Variants in TRPM3 observed in about 807,000 individuals in gnomAD.
The protein encoded by TRPM3 is transient receptor potential cation channel subfamily M member 3, also known as long transient receptor potential channel 3.
In TRPM3, 77 loss-of-function variants were observed where a neutral mutation model predicts 181.2. The observed-to-expected ratio is 0.42, with a 90% CI of 0.35 to 0.51. The LOEUF (loss-of-function observed/expected upper bound fraction) is 0.51. TRPM3 is among the 20% of genes least tolerant of loss of function. The probability of loss-of-function intolerance (pLI) is 0.01; values close to 1 mark genes in which losing one functional copy is unlikely to be tolerated. For synonymous variants in TRPM3, 745 were observed against 796.4 expected (o/e 0.94, Z 1.09); for missense variants, 1,759 against 2,196.7 (o/e 0.80, Z 3.98).
At chr9:71,183,537 CATA>C (rs902483200) in intron 1 of TRPM3, among the ~76,000 whole-genome samples, 76 of 152,236 alleles carry the variant, frequency 5.0e-4, no homozygotes, top group African/African-American at 1.8e-3. Flanking sequence ...AGTTGCACTG[CATA>C]ATATTTATTA....
intron 1 of TRPM3, among the ~76,000 whole-genome samples, chr9:71,402,922 C>T (rs544753304): frequency 3.3e-5 from 5 of 152,112 alleles, no homozygotes; most frequent in Non-Finnish European, 7.4e-5. Context: ...ACTCAAAAAA[C>T]ATTAATGAAC....
chr9:70,751,935 T>C (rs2076197053), intron 8 of TRPM3, among the ~76,000 whole-genome samples: 1 of 151,200 alleles, frequency 6.6e-6, no homozygotes, highest in South Asian at 2.1e-4. Flanking sequence ...TAAGGAGGAG[T>C]CTTCTGTTGA....
chr9:70,956,399 T>C (rs2097072839), intron 1 of TRPM3, among the ~76,000 whole-genome samples: 1 of 134,508 alleles, frequency 7.4e-6, no homozygotes, highest in Admixed American at 8.8e-5. Flanking sequence ...AAACAGGAAA[T>C]ATATGTAATC....
At chr9:71,200,007 T>C (rs919044455) in intron 1 of TRPM3, among the ~76,000 whole-genome samples, 14 of 152,234 alleles carry the variant, frequency 9.2e-5, no homozygotes, top group Non-Finnish European at 2.1e-4. Flanking sequence ...ATTGTGCACA[T>C]TTAGTGCTAT....
intron 1 of TRPM3, among the ~76,000 whole-genome samples, chr9:71,418,342 G>A (rs1311321177): frequency 6.6e-6 from 1 of 151,912 alleles, no homozygotes; most frequent in Non-Finnish European, 1.5e-5. Context: ...AACCAAGGCA[G>A]CTCTGGATTA....
At chr9:70,665,620 C>T (rs181684407) in intron 9 of TRPM3, among the ~76,000 whole-genome samples, 18 of 152,202 alleles carry the variant, frequency 1.2e-4, no homozygotes, top group Admixed American at 1.0e-3. Context: ...CTGTTTTATA[C>T]ACAATATGCA....
At chr9:71,025,997 T>C (rs577615247) in intron 1 of TRPM3, among the ~76,000 whole-genome samples, 2 of 152,324 alleles carry the variant, frequency 1.3e-5, no homozygotes, top group South Asian at 4.1e-4. Flanking sequence ...GCTCTTACCA[T>C]GGGCCTCTGG....
chr9:71,065,317 C>T (rs523734), intron 1 of TRPM3, among the ~76,000 whole-genome samples: 131,390 of 152,144 alleles, frequency 0.86, 56,823 homozygotes, highest in East Asian at 1. Context: ...GTTCCTTTAG[C>T]GTTATATTTC....
At chr9:71,219,112 G>A (rs1588011084) in intron 1 of TRPM3, among the ~76,000 whole-genome samples, 1 of 152,130 alleles carries the variant, frequency 6.6e-6, no homozygotes, top group East Asian at 1.9e-4. Context: ...ATTTTCTAGT[G>A]AGAAAAGGCT....
At chr9:70,950,075 T>C (rs2096981584) in intron 1 of TRPM3, among the ~76,000 whole-genome samples, 2 of 152,304 alleles carry the variant, frequency 1.3e-5, no homozygotes, top group Non-Finnish European at 1.5e-5. Flanking sequence ...AAAAAATCAT[T>C]TGAAGCCTCC....
At chr9:71,308,837 C>G (rs946245817) in intron 1 of TRPM3, among the ~76,000 whole-genome samples, 3 of 149,616 alleles carry the variant, frequency 2.0e-5, no homozygotes, top group Non-Finnish European at 4.5e-5. Context: ...AATTCTAATG[C>G]ATTGGGTCTT....
At chr9:71,144,351 T>C (rs2075293802) in intron 1 of TRPM3, among the ~76,000 whole-genome samples, 1 of 152,134 alleles carries the variant, frequency 6.6e-6, no homozygotes, top group Non-Finnish European at 1.5e-5. Flanking sequence ...TAATCCTACT[T>C]TTTGCTCATG....
chr9:71,304,918 C>A (rs908785420), intron 1 of TRPM3, among the ~76,000 whole-genome samples: 1 of 152,126 alleles, frequency 6.6e-6, no homozygotes. Flanking sequence ...TTCTGAGACA[C>A]CATCATCACC....
chr9:70,924,100 A>C (rs915798039), intron 1 of TRPM3, among the ~76,000 whole-genome samples: 6 of 151,938 alleles, frequency 3.9e-5, no homozygotes, highest in African/African-American at 1.5e-4. Context: ...ATGTCTGCAG[A>C]CATTTTTGGT....
At chr9:71,399,404 T>C (rs2093279873) in intron 1 of TRPM3, among the ~76,000 whole-genome samples, 1 of 152,024 alleles carries the variant, frequency 6.6e-6, no homozygotes, top group African/African-American at 2.4e-5. Flanking sequence ...TGATTATAGC[T>C]AAGTTACATT....
At chr9:71,418,489 C>G (rs982866668) in intron 1 of TRPM3, among the ~76,000 whole-genome samples, 1 of 151,800 alleles carries the variant, frequency 6.6e-6, no homozygotes, top group Non-Finnish European at 1.5e-5. Flanking sequence ...TGCCTATGCT[C>G]TGGTCTCATC....
intron 25 of TRPM3, among the ~76,000 whole-genome samples, chr9:70,540,243 T>C (rs1389371203): frequency 1.3e-5 from 2 of 152,242 alleles, no homozygotes; most frequent in Admixed American, 6.5e-5. Context: ...ACTTTAGGTA[T>C]TGGGTCTCAC....
At chr9:71,133,969 GTGTT>G (rs1290076549) in intron 1 of TRPM3, among the ~76,000 whole-genome samples, 13 of 81,466 alleles carry the variant, frequency 1.6e-4, no homozygotes, top group East Asian at 3.5e-4. Flanking sequence ...TAAACTGTGT[GTGTT>G]TGTGTGTGTG....
At chr9:70,750,447 G>C (rs1371930737) in intron 8 of TRPM3, among the ~76,000 whole-genome samples, 1 of 152,188 alleles carries the variant, frequency 6.6e-6, no homozygotes, top group African/African-American at 2.4e-5. Context: ...AAGTTAACAA[G>C]TCAGGCCTGG....
Sources: gnomAD v4.1 joint callset for allele counts (sites outside exome capture counted in the v4.1 genomes callset) on GRCh38, gnomAD v4.1.1 for gene constraint, MANE v1.5 for transcripts, NCBI Gene and HGNC (gene_info 2026-07-23, HGNC 2026-07-21) for gene names.